The following ALG1L2 variants were observed in gnomAD, a reference collection of about 807,000 sequenced individuals.
The protein encoded by ALG1L2 is putative glycosyltransferase ALG1L2.
ALG1L2 carries 32 observed loss-of-function variants against 29.0 expected under a neutral mutation model. The observed-to-expected ratio is 1.10, with a 90% CI of 0.83 to 1.48. The LOEUF is 1.48. Ranked by LOEUF, ALG1L2 falls within the 40% of genes most tolerant of loss-of-function variation. ALG1L2 has a pLI of 0.00. For missense variants in ALG1L2, 318 were observed against 274.1 expected (o/e 1.16, Z -1.13); for synonymous variants, 110 against 109.5 (o/e 1.00, Z -0.03).
At chr3:130,085,637 G>A (rs1934873463) in intron 1 of ALG1L2, among the ~76,000 whole-genome samples, 1 of 151,638 alleles carries the variant, frequency 6.6e-6, no homozygotes, top group Non-Finnish European at 1.5e-5. Flanking sequence ...CTCCAAATAT[G>A]TCACATTTTG....
chr3:130,094,263 C>A (rs1466647475), intron 4 of ALG1L2, 140 bp from the exon 5 acceptor site: 4 of 1,098,146 alleles, frequency 3.6e-6, no homozygotes, highest in Non-Finnish European at 5.3e-6. Flanking sequence ...CTGGAAAGGC[C>A]CAGATAGGGC....
chr3:130,087,444 T>A (rs1451111414), intron 1 of ALG1L2, among the ~76,000 whole-genome samples: 4 of 150,072 alleles, frequency 2.7e-5, no homozygotes, highest in Non-Finnish European at 4.5e-5. Context: ...TGATCTGGGA[T>A]GATCGTTTGC....
intron 2 of ALG1L2, 61 bp from the exon 3 acceptor site, chr3:130,092,040 C>T: frequency 9.4e-6 from 15 of 1,595,244 alleles, no homozygotes; most frequent in Admixed American, 1.7e-5. Context: ...GCAGGAGATG[C>T]CCGTTCTGGG....
chr3:130,084,473 G>A (rs1315068800), intron 1 of ALG1L2, among the ~76,000 whole-genome samples: 2 of 139,806 alleles, frequency 1.4e-5, no homozygotes, highest in East Asian at 4.0e-4. Flanking sequence ...GTGACCATGA[G>A]CAAATTACTG....
intron 7 of ALG1L2, among the ~76,000 whole-genome samples, chr3:130,097,965 T>C (rs1935179207): frequency 1.3e-5 from 2 of 152,166 alleles, no homozygotes; most frequent in Admixed American, 1.3e-4. Flanking sequence ...AGGAGGGTGC[T>C]CACAGGGGAA....
At chr3:130,086,189 G>A (rs1400257836) in intron 1 of ALG1L2, among the ~76,000 whole-genome samples, 1 of 151,210 alleles carries the variant, frequency 6.6e-6, no homozygotes, top group Non-Finnish European at 1.5e-5. Context: ...AAAAGGCCTT[G>A]TTTGTCAGCA....
rs544301585 is a variant in ALG1L2, at chr3:130,092,201, G to C, written c.232G>C (p.Val78Leu). The change falls in exon 3 of 8, where the codon GTC becomes CTC. Residue 78 changes from valine to leucine, a missense_variant. Transcript: ENST00000425059. The part of the protein sequence containing the change: ...TRLHERPALL[V>L]SSTSWTEFEQ... The stretch of plus-strand genomic sequence containing the variant: ...TCTCCACGAGCGGCCAGCCCTGCTG[G>C]TCAGCAGCACAAGCTGGACAGGTCT... 3.1e-6 allele frequency: 5 copies of C among 1,611,578 alleles called. No homozygotes were observed. Among genetic ancestry groups the C allele is most frequent in the Non-Finnish European group, 4.2e-6 (5 of 1,179,398 alleles).
At chr3:130,082,791 C>T (rs1385920762) in intron 1 of ALG1L2, among the ~76,000 whole-genome samples, 1 of 147,024 alleles carries the variant, frequency 6.8e-6, no homozygotes, top group Non-Finnish European at 1.5e-5. Context: ...GGGGGGTCCG[C>T]AGTGCATGGG....
chr3:130,086,402 C>T (rs1447435976), intron 1 of ALG1L2, among the ~76,000 whole-genome samples: 1 of 148,566 alleles, frequency 6.7e-6, no homozygotes. Flanking sequence ...CATGGTGGCT[C>T]ATGCCTGTCA....
intron 1 of ALG1L2, among the ~76,000 whole-genome samples, chr3:130,088,976 C>T (rs1444046236): frequency 2.0e-5 from 3 of 152,298 alleles, no homozygotes; most frequent in Admixed American, 1.3e-4. Context: ...CACAGGATGG[C>T]AGTCTGAAAT....
At position 130,098,076 on chromosome 3, in the gene ALG1L2, G is replaced by A. The variant is rs891308093; in HGVS notation, c.616-147G>A. 3.6e-6 allele frequency: 4 copies of A among 1,098,560 alleles called. No homozygotes were observed. The African/African-American group carries it at 6.3e-5, about 17-fold the overall frequency. 68.1% of individuals were successfully genotyped at this position (1,098,560 alleles called of 1,614,324 possible). On this transcript the variant is annotated intron_variant, in intron 7 of 7. Coordinates refer to ENST00000425059, the MANE Select transcript of ALG1L2 (RefSeq NM_001136152.1). ...GAAAGCATGTCAAGATGGAGGCGGA[G>A]CGCTGCTGGGGTGTGAAGGGTCTCA...
At chr3:130,086,459 G>C (rs1407101986) in intron 1 of ALG1L2, among the ~76,000 whole-genome samples, 1 of 150,820 alleles carries the variant, frequency 6.6e-6, no homozygotes, top group Non-Finnish European at 1.5e-5. Flanking sequence ...TTGAAGCCAA[G>C]AGTCCAAGAT....
rs1182525895 is a variant in ALG1L2, at chr3:130,081,911, C to A, written c.-106C>A. ...CAGGTGTGCAAAGGCTCAGAGGGAG[C>A]TTCTCCAGGATCAGCAGAGCTCGAT... On this transcript the variant is annotated 5_prime_UTR_variant, in exon 1 of 8. Coordinates refer to ENST00000425059, the MANE Select transcript of ALG1L2 (RefSeq NM_001136152.1). 1.5e-5 allele frequency: 20 copies of A among 1,368,688 alleles called. No homozygotes were observed. Among genetic ancestry groups the A allele is most frequent in the Admixed American group, 4.1e-5 (2 of 48,770 alleles). 84.8% of individuals were successfully genotyped at this position (1,368,688 alleles called of 1,614,324 possible).
intron 1 of ALG1L2, among the ~76,000 whole-genome samples, chr3:130,082,985 T>G (rs1426001148): frequency 1.5e-5 from 2 of 133,706 alleles, no homozygotes; most frequent in Non-Finnish European, 3.5e-5. Flanking sequence ...CCTTTTCTAC[T>G]CATCTGATTC....
Position 130,095,961 on chromosome 3 carries a change from C to T in ALG1L2, c.425-88C>T, listed in dbSNP as rs1427840772. ...GGGGCCTTATCCAATTTTCACTCCCCTCGGGGGGTGTTGCCTCACTGTGCT... is the reference window on the plus strand; with the variant it reads ...GGGGCCTTATCCAATTTTCACTCCCTTCGGGGGGTGTTGCCTCACTGTGCT... On this transcript the variant is annotated intron_variant, in intron 5 of 7. Coordinates refer to ENST00000425059, the MANE Select transcript of ALG1L2 (RefSeq NM_001136152.1). The T allele has an allele frequency of 1.2e-5, 17 of 1,410,766 alleles. No homozygotes were observed. The Admixed American group carries it at 1.4e-4, about 12-fold the overall frequency. 87.4% of individuals were successfully genotyped at this position (1,410,766 alleles called of 1,614,324 possible).
intron 6 of ALG1L2, 35 bp downstream of exon 6, chr3:130,096,198 C>A: frequency 6.2e-7 from 1 of 1,603,496 alleles, no homozygotes; most frequent in Non-Finnish European, 8.5e-7. Flanking sequence ...CTGGGGATAG[C>A]TTCACAGATC....
In ALG1L2 at chr3:130,094,475, T is replaced by G; in HGVS notation, c.386T>G (p.Ile129Ser). 1.9e-6 allele frequency: 3 copies of G among 1,591,776 alleles called. No homozygotes were observed. Among genetic ancestry groups the G allele is most frequent in the Non-Finnish European group, 2.5e-6 (3 of 1,178,788 alleles). ...CATTTCCAGCACATCCAGGTCTGCATCCCCTGGCTGGAGGGCCGAGGACTA... is the reference window on the plus strand; with the variant it reads ...CATTTCCAGCACATCCAGGTCTGCAGCCCCTGGCTGGAGGGCCGAGGACTA... The part of the protein sequence containing the change: ...QKHFQHIQVC[I>S]PWLEGRGLPP... The change falls in exon 5 of 8, where the codon ATC (isoleucine) becomes AGC (serine). Residue 129 changes from isoleucine to serine, a missense_variant. Coordinates refer to ENST00000425059, the MANE Select transcript of ALG1L2 (RefSeq NM_001136152.1).
chr3:130,082,085 G>A (rs1457458822), intron 1 of ALG1L2, 49 bp downstream of exon 1: 17 of 1,486,150 alleles, frequency 1.1e-5, no homozygotes, highest in African/African-American at 4.1e-5. Flanking sequence ...AGAAACCCTG[G>A]GTTGGCCTGC....
rs1251764549 is a variant in ALG1L2, at chr3:130,098,333, A to G, written c.*78A>G. On this transcript the variant is annotated 3_prime_UTR_variant, in exon 8 of 8. Coordinates refer to ENST00000425059, the MANE Select transcript of ALG1L2 (RefSeq NM_001136152.1). Reference sequence around the variant, plus strand: ...CTCTGATGGGATGAGAGCTGGGTGCAGACTGTGCTCCCTTTGGTTATGGAC... The same window carrying G: ...CTCTGATGGGATGAGAGCTGGGTGCGGACTGTGCTCCCTTTGGTTATGGAC... The G allele has an allele frequency of 1.9e-6, 3 of 1,596,432 alleles. No homozygotes were observed. Among genetic ancestry groups the G allele is most frequent in the Non-Finnish European group, 1.7e-6 (2 of 1,179,754 alleles).
Sources: gnomAD v4.1 joint callset for allele counts (sites outside exome capture counted in the v4.1 genomes callset) on GRCh38, gnomAD v4.1.1 for gene constraint, MANE v1.5 for transcripts, NCBI Gene and HGNC (gene_info 2026-07-23, HGNC 2026-07-21) for gene names.